The following ANAPC4 variants were observed in gnomAD, a reference collection of about 807,000 sequenced individuals.
The protein encoded by ANAPC4 is anaphase-promoting complex subunit 4.
Under a neutral mutation model 119.8 loss-of-function variants are expected in ANAPC4, and 63 were observed. The ratio of observed to expected loss-of-function variants is 0.53; its 90% CI spans 0.43 to 0.65. The LOEUF (loss-of-function observed/expected upper bound fraction) is 0.65, where lower values mean the gene tolerates loss of function less well. Ranked by LOEUF, ANAPC4 falls within the 30% of genes least tolerant of loss-of-function variation. The pLI is 0.00. For missense variants in ANAPC4, 716 were observed against 945.1 expected (o/e 0.76, Z 3.18); for synonymous variants, 283 against 318.6 (o/e 0.89, Z 1.19).
intron 21 of ANAPC4, 185 bp from the exon 22 acceptor site, chr4:25,413,460 T>G: frequency 2.0e-6 from 1 of 488,432 alleles, no homozygotes; most frequent in Non-Finnish European, 3.6e-6. Context: ...TCAGCGGGGG[T>G]TGATGAAAGG....
At chr4:25,411,042 C>G (rs972843842) in intron 21 of ANAPC4, among the ~76,000 whole-genome samples, 6 of 152,098 alleles carry the variant, frequency 3.9e-5, no homozygotes, top group Non-Finnish European at 7.4e-5. Flanking sequence ...GGAGAGAATT[C>G]TTTGATGCCA....
rs557083298 is a variant in ANAPC4 at position 25,414,383 on chromosome 4, A to C, written c.1683A>C (p.Arg561Ser). The C allele has an allele frequency of 6.2e-7, 1 of 1,604,044 alleles. No homozygotes were observed. The highest frequency in any genetic ancestry group is 1.7e-5 in the Admixed American group (1 of 59,400). ...AICIPLYRDT[R>S]SEDSTRRLFK... ...GTATTCCATTGTATAGAGATACCAG[A>C]AGGTAATTCTGTTTACCTATTGGAT... is the stretch of plus-strand genomic sequence containing the variant. Residue 561 changes from arginine (R) to serine (S), a missense_variant and splice_region_variant, in exon 23 of 29, where the codon AGA becomes AGC. By Grantham distance (110) the Arg-to-Ser change is moderately radical (BLOSUM62 -1). Coordinates refer to ENST00000315368, the MANE Select transcript of ANAPC4 (RefSeq NM_013367.3).
intron 3 of ANAPC4, among the ~76,000 whole-genome samples, chr4:25,382,255 TCA>T (rs1721777953): frequency 6.6e-6 from 1 of 152,238 alleles, no homozygotes; most frequent in South Asian, 2.1e-4. Context: ...TAGATGGTTT[TCA>T]GTTTTTGGCT....
At chr4:25,401,951 C>T (rs1319861426) in intron 16 of ANAPC4, among the ~76,000 whole-genome samples, 1 of 152,170 alleles carries the variant, frequency 6.6e-6, no homozygotes, top group Non-Finnish European at 1.5e-5. Flanking sequence ...ATGATCACTT[C>T]TCAGTATGAA....
At chr4:25,383,200 T>TA in intron 3 of ANAPC4, 61 bp from the exon 4 acceptor site, 6 of 1,444,320 alleles carry the variant, frequency 4.2e-6, no homozygotes, top group Non-Finnish European at 5.5e-6. Flanking sequence ...ATAAGGGAAA[T>TA]ACCCATTTAT....
intron 26 of ANAPC4, 91 bp from the exon 27 acceptor site, chr4:25,416,334 T>A (rs1326693260): frequency 1.2e-6 from 1 of 802,492 alleles, no homozygotes; most frequent in Non-Finnish European, 1.8e-6. Flanking sequence ...CTTTTAAATT[T>A]TTTTCTGCTT....
chr4:25,396,713 T>G lies in ANAPC4; in HGVS notation c.1111T>G (p.Ser371Ala), dbSNP rs769947767. 3.7e-6 allele frequency: 6 copies of G among 1,613,712 alleles called. 1 individual carries two copies. The South Asian group carries it at 6.6e-5, about 18-fold the overall frequency. Residue 371 changes from serine to alanine, a missense_variant, in exon 15 of 29, where the codon TCA becomes GCA. Ser to Ala is a moderately conservative substitution (Grantham distance 99). Transcript: ENST00000315368. The stretch of plus-strand genomic sequence containing the variant: ...TTTGAGTGAATTGAAAGGAATGGCT[T>G]CATGGAAGCAAAAATATGAACCTCT... ...YHLSELKGMA[S>A]WKQKYEPLGL...
chr4:25,396,559 G>C (rs1358969241), intron 14 of ANAPC4, 105 bp from the exon 15 acceptor site: 2 of 849,002 alleles, frequency 2.4e-6, no homozygotes, highest in Non-Finnish European at 3.6e-6. Context: ...GAAACAAAAT[G>C]AAAGTTACTT....
rs371676080 is a variant in ANAPC4 at position 25,417,751 on chromosome 4, G to C, written c.2199+12G>C. On this transcript the variant is annotated intron_variant, in intron 28 of 28. Coordinates refer to ENST00000315368, the MANE Select transcript of ANAPC4 (RefSeq NM_013367.3). ...AAGTGTCCTGTGTGGTAAGTGTTTA[G>C]AGATCGTTCAGCAACTAAGAAATTA... The C allele has an allele frequency of 5.6e-6, 9 of 1,596,050 alleles. No homozygotes were observed. Among genetic ancestry groups the C allele is most frequent in the Non-Finnish European group, 7.7e-6 (9 of 1,174,374 alleles).
At chr4:25,389,368 A>G (rs1403947220) in intron 7 of ANAPC4, among the ~76,000 whole-genome samples, 2 of 152,204 alleles carry the variant, frequency 1.3e-5, no homozygotes, top group Non-Finnish European at 2.9e-5. Flanking sequence ...CATGTTGGCC[A>G]GGATGGTCTC....
intron 21 of ANAPC4, among the ~76,000 whole-genome samples, chr4:25,411,841 T>C (rs1183638501): frequency 6.6e-6 from 1 of 152,154 alleles, no homozygotes; most frequent in African/African-American, 2.4e-5. Flanking sequence ...GAGAGAAATT[T>C]TTTTCCTCCT....
chr4:25,394,538 C>A, intron 12 of ANAPC4, 133 bp from the exon 13 acceptor site: 1 of 1,077,854 alleles, frequency 9.3e-7, no homozygotes, highest in Non-Finnish European at 1.3e-6. Flanking sequence ...TGTGATGTTA[C>A]ATGCGTAGAA....
chr4:25,414,538 C>A, intron 24 of ANAPC4, 34 bp downstream of exon 24: 1 of 1,581,874 alleles, frequency 6.3e-7, no homozygotes, highest in Non-Finnish European at 8.6e-7. Flanking sequence ...CTTGAGTGAA[C>A]AATACAATTT....
chr4:25,398,896 G>C (rs1295440945), intron 16 of ANAPC4, among the ~76,000 whole-genome samples: 1 of 151,624 alleles, frequency 6.6e-6, no homozygotes, highest in Non-Finnish European at 1.5e-5. Flanking sequence ...GATATTTACT[G>C]AAAGGGGGAA....
At position 25,377,285 on chromosome 4, in the gene ANAPC4, G is replaced by C. The variant is rs1721448467; in HGVS notation, c.-70G>C. 8.5e-7 allele frequency: 1 copy of C among 1,183,100 alleles called. No homozygotes were observed. Among genetic ancestry groups the C allele is most frequent in the South Asian group, 1.6e-5 (1 of 60,994 alleles). 73.3% of individuals were successfully genotyped at this position (1,183,100 alleles called of 1,614,324 possible). On this transcript the variant is annotated 5_prime_UTR_variant, in exon 1 of 29. Coordinates refer to ENST00000315368, the MANE Select transcript of ANAPC4 (RefSeq NM_013367.3). Reference sequence around the variant, plus strand: ...GGCCTGGAGGCTGTGGCGCGCGGCCGGCAGAGGGAGGGGAGAGGCCACTGG... The same window carrying C: ...GGCCTGGAGGCTGTGGCGCGCGGCCCGCAGAGGGAGGGGAGAGGCCACTGG...
At chr4:25,397,087 CCTGGTCATCCTTACCT>C (rs1271755346) in intron 16 of ANAPC4, among the ~76,000 whole-genome samples, 188 bp downstream of exon 16, 1 of 152,144 alleles carries the variant, frequency 6.6e-6, no homozygotes, top group Non-Finnish European at 1.5e-5. Flanking sequence ...ATTTTCCTGT[CCTGGTCATCCTTACCT>C]CAGGTCTTCT....
At position 25,380,616 on chromosome 4, in the gene ANAPC4, A is replaced by T. The variant is rs181988336; in HGVS notation, c.235+137A>T. ...TCACTTTGGGAACTTTTTAAAAAAA[A>T]TGCCTTAAAATATTTTTATAGAACT... On this transcript the variant is annotated intron_variant, in intron 3 of 28. Transcript: ENST00000315368. 3.0e-5 allele frequency: 15 copies of T among 498,564 alleles called. No individual in the cohort carries two copies. The Admixed American group carries it at 5.8e-4, about 19-fold the overall frequency. The allele number at this position is 498,564 out of a possible 1,614,324, so 30.9% of individuals were successfully genotyped here.
At position 25,388,891 on chromosome 4, in the gene ANAPC4, T is replaced by TA; in HGVS notation, c.515+10dup. Reference sequence around the variant, plus strand: ...CTCTTGGGAGACGTCAGGTAAATCTTACAGATAAATAAGTCTAATTTCTTA... The same window carrying TA: ...CTCTTGGGAGACGTCAGGTAAATCTTAACAGATAAATAAGTCTAATTTCTTA... On this transcript the variant is annotated intron_variant, in intron 7 of 28. Coordinates refer to ENST00000315368, the MANE Select transcript of ANAPC4 (RefSeq NM_013367.3). The TA allele has an allele frequency of 6.3e-7, 1 of 1,576,624 alleles. No individual in the cohort carries two copies. The highest frequency in any genetic ancestry group is 8.7e-7 in the Non-Finnish European group (1 of 1,155,188).
intron 3 of ANAPC4, among the ~76,000 whole-genome samples, chr4:25,381,983 T>C (rs1338277126): frequency 1.3e-5 from 2 of 152,226 alleles, no homozygotes; most frequent in Admixed American, 6.5e-5. Context: ...AACTTAGAGA[T>C]GACAGTTGTT....
Sources: gnomAD v4.1 joint callset for allele counts (sites outside exome capture counted in the v4.1 genomes callset) on GRCh38, gnomAD v4.1.1 for gene constraint, MANE v1.5 for transcripts, NCBI Gene and HGNC (gene_info 2026-07-23, HGNC 2026-07-21) for gene names.